The following RBM27 variants were observed in gnomAD, a reference collection of about 807,000 sequenced individuals.
The protein encoded by RBM27 is RNA-binding protein 27.
RBM27 carries 22 observed loss-of-function variants against 135.3 expected under a neutral mutation model. The ratio of observed to expected loss-of-function variants is 0.16; its 90% CI spans 0.12 to 0.23. RBM27 has a LOEUF of 0.23. RBM27 is among the 10% of genes least tolerant of loss of function. The pLI is 1.00. For synonymous variants in RBM27, 481 were observed against 442.4 expected (o/e 1.09, Z -1.10); for missense variants, 1,009 against 1,281.0 (o/e 0.79, Z 3.24).
intron 7 of RBM27, among the ~76,000 whole-genome samples, chr5:146,235,792 A>G (rs1757134268): frequency 6.6e-6 from 1 of 151,782 alleles, no homozygotes; most frequent in Non-Finnish European, 1.5e-5. Context: ...GCTTGAAGGG[A>G]TCCTCCCACC....
In RBM27 at chr5:146,231,007, GTTTAT is replaced by G. The variant is rs370957203; in HGVS notation, c.850+101_850+105del. The G allele has an allele frequency of 5.3e-4, 724 of 1,363,160 alleles. 6 individuals carry two copies. The South Asian group carries it at 8.9e-3, about 17-fold the overall frequency. The allele number at this position is 1,363,160 out of a possible 1,614,324, so 84.4% of individuals were successfully genotyped here. A position where few individuals can be genotyped will look rare whatever the true frequency, so the allele number is the denominator to read the frequency against. Reference sequence around the variant, plus strand: ...TTGCATATCTTTTAGTTATAGTCCAGTTTATTTTATTTTATCTTATTTTATTTATT... The same window carrying G: ...TTGCATATCTTTTAGTTATAGTCCAGTTTATTTTATCTTATTTTATTTATT... On this transcript the variant is annotated intron_variant, in intron 6 of 20. Coordinates refer to ENST00000265271, the MANE Select transcript of RBM27 (RefSeq NM_018989.2).
chr5:146,274,910 G>T (rs978160939), intron 19 of RBM27, among the ~76,000 whole-genome samples: 4 of 151,766 alleles, frequency 2.6e-5, no homozygotes, highest in African/African-American at 9.7e-5. Context: ...AGATACAGAT[G>T]ATCTCCTTTA....
intron 8 of RBM27, among the ~76,000 whole-genome samples, chr5:146,244,577 T>C (rs928592123): frequency 2.0e-5 from 3 of 151,820 alleles, no homozygotes; most frequent in Non-Finnish European, 2.9e-5. Flanking sequence ...AGTCTTGTTG[T>C]GCTGCCCAGA....
At chr5:146,239,472 CTT>C (rs916182587) in intron 8 of RBM27, among the ~76,000 whole-genome samples, 4 of 55,360 alleles carry the variant, frequency 7.2e-5, no homozygotes, top group Admixed American at 2.8e-4. Context: ...TTTTCCTTTT[CTT>C]TTTTTTTTTT....
chr5:146,284,563 G>T, intron 19 of RBM27, 59 bp from the exon 20 acceptor site: 1 of 1,053,110 alleles, frequency 9.5e-7, no homozygotes, highest in Non-Finnish European at 1.5e-6. Flanking sequence ...CACAGAATTT[G>T]CAGAAATCAT....
chr5:146,236,932 T>C, intron 7 of RBM27, among the ~76,000 whole-genome samples: 1 of 28,754 alleles, frequency 3.5e-5, no homozygotes, highest in East Asian at 2.2e-3. Flanking sequence ...TGATGGTCCT[T>C]TTTTTTTTTT....
intron 9 of RBM27, among the ~76,000 whole-genome samples, chr5:146,252,517 A>C (rs945114786): frequency 6.6e-6 from 1 of 152,170 alleles, no homozygotes. Context: ...TGATTATGTA[A>C]CTTCTTTAAA....
At chr5:146,222,505 GA>G (rs1165567691) in intron 2 of RBM27, among the ~76,000 whole-genome samples, 2 of 152,028 alleles carry the variant, frequency 1.3e-5, no homozygotes, top group Non-Finnish European at 2.9e-5. Flanking sequence ...CCAACATGGT[GA>G]AACCCTGTCT....
At chr5:146,211,342 C>T (rs909748546) in intron 1 of RBM27, among the ~76,000 whole-genome samples, 3 of 151,310 alleles carry the variant, frequency 2.0e-5, no homozygotes, top group South Asian at 4.2e-4. Flanking sequence ...CCCAAACAGA[C>T]TAAGAGAGAA....
chr5:146,280,175 C>T (rs548663241), intron 19 of RBM27, among the ~76,000 whole-genome samples: 23 of 151,776 alleles, frequency 1.5e-4, no homozygotes, highest in Admixed American at 5.9e-4. Flanking sequence ...CTCCTTTCTT[C>T]GCCTCCTGAG....
chr5:146,252,268 C>G (rs548345482), intron 9 of RBM27, among the ~76,000 whole-genome samples: 5 of 152,196 alleles, frequency 3.3e-5, no homozygotes, highest in Non-Finnish European at 7.3e-5. Flanking sequence ...TCTTGCCGAT[C>G]ATATCCTTTT....
intron 19 of RBM27, among the ~76,000 whole-genome samples, chr5:146,272,722 CAAA>C (rs572288741): frequency 1.7e-5 from 2 of 117,628 alleles, no homozygotes. Flanking sequence ...AACTCCATCT[CAAA>C]AAAAAAAAAA....
At chr5:146,215,807 G>C (rs1756165298) in intron 1 of RBM27, among the ~76,000 whole-genome samples, 1 of 151,804 alleles carries the variant, frequency 6.6e-6, no homozygotes, top group South Asian at 2.1e-4. Context: ...CTGGAGTGCA[G>C]TGGTGTGATC....
chr5:146,203,888 G>A, intron 1 of RBM27, 64 bp downstream of exon 1: 1 of 1,421,690 alleles, frequency 7.0e-7, no homozygotes, highest in African/African-American at 1.4e-5. Context: ...GGGGGCGTGG[G>A]GGAGGGGAGG....
rs1421138084 is a variant in RBM27, at chr5:146,286,509, AAT to A, written c.*482_*483del. On this transcript the variant is annotated 3_prime_UTR_variant, in exon 21 of 21. Transcript: ENST00000265271. ...CTTTCAAGAGTGGTCTTGGAAGAAA[AAT>A]ATGTTTATTTTAATTTTAATTTTTT... The A allele has an allele frequency of 6.6e-6, 1 of 151,950 alleles. No homozygotes were observed. Among genetic ancestry groups the A allele is most frequent in the Non-Finnish European group, 1.5e-5 (1 of 68,010 alleles). 9.4% of individuals were successfully genotyped at this position (151,950 alleles called of 1,614,324 possible). A position where few individuals can be genotyped will look rare whatever the true frequency, so the allele number is the denominator to read the frequency against.
At position 146,267,893 on chromosome 5, in the gene RBM27, C is replaced by T. The variant is rs1042098172; in HGVS notation, c.2451+125C>T. On this transcript the variant is annotated intron_variant, in intron 15 of 20. Coordinates refer to ENST00000265271, the MANE Select transcript of RBM27 (RefSeq NM_018989.2). The stretch of plus-strand genomic sequence containing the variant: ...TAACATCATAATGCTTATTTAGCTT[C>T]TTCTCTAATGTAAACTTGGAAAAAA... 21 of 976,614 alleles carry T rather than the reference C, an allele frequency of 2.2e-5. No homozygotes were observed. In the South Asian group the frequency reaches 3.3e-4, roughly 15 times the overall value. The allele number at this position is 976,614 out of a possible 1,614,324, so 60.5% of individuals were successfully genotyped here. A position where few individuals can be genotyped will look rare whatever the true frequency, so the allele number is the denominator to read the frequency against.
At chr5:146,266,987 A>AT (rs1758643449) in intron 14 of RBM27, among the ~76,000 whole-genome samples, 1 of 152,146 alleles carries the variant, frequency 6.6e-6, no homozygotes, top group African/African-American at 2.4e-5. Context: ...ACTTAGAAGG[A>AT]TTTTTCAGTT....
chr5:146,245,675 T>A (rs1757595405), intron 8 of RBM27, among the ~76,000 whole-genome samples: 1 of 152,176 alleles, frequency 6.6e-6, no homozygotes, highest in Non-Finnish European at 1.5e-5. Flanking sequence ...AGAGTCCTTG[T>A]ATATTGTCTA....
At chr5:146,211,271 C>A (rs971999776) in intron 1 of RBM27, among the ~76,000 whole-genome samples, 12 of 151,818 alleles carry the variant, frequency 7.9e-5, no homozygotes, top group African/African-American at 2.4e-4. Context: ...CAGAATGAGA[C>A]CCTGTCTCAA....
Sources: allele counts gnomAD v4.1 joint callset (sites outside exome capture counted in the v4.1 genomes callset), GRCh38; gene constraint gnomAD v4.1.1; transcripts MANE v1.5; gene names NCBI Gene and HGNC (gene_info 2026-07-23, HGNC 2026-07-21).